SRGAP3: variants seen among roughly 807,000 people sequenced by gnomAD.
The protein encoded by SRGAP3 is SLIT-ROBO Rho GTPase activating protein 3.
A neutral mutation model predicts 121.1 loss-of-function variants in SRGAP3; 39 were observed. That is an observed-to-expected ratio of 0.32 (90% CI 0.25 to 0.42). The LOEUF (loss-of-function observed/expected upper bound fraction) is 0.42. Among genes scored for constraint, SRGAP3 ranks in the 10% least tolerant of loss-of-function variants. The pLI, the probability that SRGAP3 is intolerant of heterozygous loss-of-function variation, is 1.00. For missense variants in SRGAP3, 1,213 were observed against 1,470.6 expected, an observed-to-expected ratio of 0.82 and a Z score of 2.86; for synonymous variants, 601 against 570.0, an observed-to-expected ratio of 1.05 and a Z score of -0.77.
At chr3:9,345,785 C>CAAAAAAAAAAAAAAAAA (rs34225108) in intron 1 of SRGAP3, among the ~76,000 whole-genome samples, 3 of 65,234 alleles carry the variant, frequency 4.6e-5, no homozygotes, top group East Asian at 4.1e-4. Context: ...GACTCCAACT[C>CAAAAAAAAAAAAAAAAA]AAAAAAAAAA....
At chr3:9,084,721 G>A (rs536285138) in intron 3 of SRGAP3, among the ~76,000 whole-genome samples, 17 of 152,264 alleles carry the variant, frequency 1.1e-4, no homozygotes, top group African/African-American at 3.9e-4. Flanking sequence ...TTTGTTAAGA[G>A]GCACCTCTTA....
intron 1 of SRGAP3, among the ~76,000 whole-genome samples, chr3:9,186,147 C>T (rs772002743): frequency 6.6e-6 from 1 of 152,184 alleles, no homozygotes; most frequent in Non-Finnish European, 1.5e-5. Context: ...GCTTAAAGAG[C>T]ACCACATTGT....
At chr3:9,067,022 T>A (rs1020866310) in intron 4 of SRGAP3, among the ~76,000 whole-genome samples, 1 of 152,204 alleles carries the variant, frequency 6.6e-6, no homozygotes, top group Admixed American at 6.5e-5. Context: ...AAAAATGGGA[T>A]AAAAATTTAC....
chr3:9,207,679 G>T (rs1378383152), intron 1 of SRGAP3, among the ~76,000 whole-genome samples: 1 of 152,180 alleles, frequency 6.6e-6, no homozygotes, highest in East Asian at 1.9e-4. Context: ...TGAAGCTGAG[G>T]TTGGCCCTTT....
chr3:9,004,017 T>C (rs934419209), intron 18 of SRGAP3, among the ~76,000 whole-genome samples: 3 of 152,190 alleles, frequency 2.0e-5, no homozygotes, highest in African/African-American at 7.2e-5. Context: ...AAAAACTATT[T>C]GACTGCATGA....
chr3:8,996,580 G>A (rs1942415711), intron 18 of SRGAP3, among the ~76,000 whole-genome samples: 1 of 152,228 alleles, frequency 6.6e-6, no homozygotes, highest in Non-Finnish European at 1.5e-5. Context: ...AGGAGGTGGG[G>A]AAATGACAGC....
chr3:9,064,023 C>G (rs1173099557), intron 5 of SRGAP3, among the ~76,000 whole-genome samples: 1 of 152,164 alleles, frequency 6.6e-6, no homozygotes, highest in Non-Finnish European at 1.5e-5. Context: ...CCTTGGCCAT[C>G]AAATTGGCCT....
intron 1 of SRGAP3, among the ~76,000 whole-genome samples, chr3:9,227,266 C>A (rs1024326036): frequency 6.6e-6 from 1 of 152,210 alleles, no homozygotes; most frequent in African/African-American, 2.4e-5. Context: ...AAAGGCCAAA[C>A]AAAACATGCT....
intron 3 of SRGAP3, among the ~76,000 whole-genome samples, chr3:9,103,205 A>G (rs1575078032): frequency 6.6e-6 from 1 of 152,326 alleles, no homozygotes; most frequent in Non-Finnish European, 1.5e-5. Flanking sequence ...AACACAGACC[A>G]TGGAGAGATG....
At chr3:9,090,920 A>T (rs1947727464) in intron 3 of SRGAP3, among the ~76,000 whole-genome samples, 9 of 152,166 alleles carry the variant, frequency 5.9e-5, no homozygotes, top group Admixed American at 5.9e-4. Flanking sequence ...TACAGGCATG[A>T]GCCACCATGC....
At chr3:9,164,126 T>C (rs952673800) in intron 1 of SRGAP3, among the ~76,000 whole-genome samples, 2 of 149,966 alleles carry the variant, frequency 1.3e-5, no homozygotes, top group Admixed American at 6.7e-5. Context: ...GCCTCCCAAG[T>C]AGCTGGGATT....
At chr3:9,346,366 C>G (rs555655317) in intron 1 of SRGAP3, among the ~76,000 whole-genome samples, 17 of 152,186 alleles carry the variant, frequency 1.1e-4, no homozygotes, top group African/African-American at 4.1e-4. Flanking sequence ...TCTCAGCCTC[C>G]CAAGTAGCTA....
Position 9,159,491 on chromosome 3 carries a change from G to A in SRGAP3, c.68-34574C>T, listed in dbSNP as rs376886520. 2.0e-5 allele frequency among the ~76,000 whole-genome samples: 3 copies of A among 152,220 alleles called. No individual in the cohort carries two copies. The East Asian group carries it at 5.8e-4, about 29-fold the overall frequency. ...ATCAGCAAGCGTGACAGGGCCCCCT[G>A]CCGCCACATCAGTGAGAGAGATAAG... On this transcript the variant is annotated intron_variant, in intron 1 of 21. Transcript: ENST00000383836.
intron 3 of SRGAP3, among the ~76,000 whole-genome samples, chr3:9,316,095 C>T (rs1315197911): frequency 6.6e-6 from 1 of 152,062 alleles, no homozygotes; most frequent in Non-Finnish European, 1.5e-5. Context: ...GTCACCCAGG[C>T]TGGAGTGCAG....
At chr3:9,362,162 CTTTTTTTT>C (rs36036357) in intron 1 of SRGAP3, among the ~76,000 whole-genome samples, 1 of 90,930 alleles carries the variant, frequency 1.1e-5, no homozygotes, top group Non-Finnish European at 2.1e-5. Context: ...AGGTTCAACT[CTTTTTTTT>C]TTTTTTTTTT....
At chr3:9,062,310 T>C (rs1252184661) in intron 5 of SRGAP3, among the ~76,000 whole-genome samples, 6 of 152,136 alleles carry the variant, frequency 3.9e-5, no homozygotes, top group Non-Finnish European at 7.4e-5. Flanking sequence ...AAAATACAAC[T>C]CTGAACTAAA....
intron 1 of SRGAP3, among the ~76,000 whole-genome samples, chr3:9,247,599 G>A (rs768436338): frequency 6.6e-6 from 1 of 152,182 alleles, no homozygotes; most frequent in African/African-American, 2.4e-5. Flanking sequence ...CAGCTCCCTG[G>A]GTCATTGGGT....
rs575213362 is a variant in SRGAP3, at chr3:9,098,396, C to T, written c.423+6284G>A. ...AAATGATCCTCCTGCCTCAACCTCC[C>T]GAGTAGCTGGGACCACAGGCAAATG... On this transcript the variant is annotated intron_variant, in intron 3 of 21. Transcript: ENST00000383836. 5.9e-5 allele frequency among the ~76,000 whole-genome samples: 9 copies of T among 152,316 alleles called. No individual in the cohort carries two copies. In the East Asian group the frequency reaches 7.7e-4, roughly 13 times the overall value.
intron 1 of SRGAP3, among the ~76,000 whole-genome samples, chr3:9,358,913 G>C (rs2030657847): frequency 1.3e-5 from 2 of 152,164 alleles, no homozygotes; most frequent in African/African-American, 4.8e-5. Flanking sequence ...CTACTCACAA[G>C]AAGGCAGATT....
Sources: gnomAD v4.1 joint callset for allele counts (sites outside exome capture counted in the v4.1 genomes callset) on GRCh38, gnomAD v4.1.1 for gene constraint, MANE v1.5 for transcripts, NCBI Gene and HGNC (gene_info 2026-07-23, HGNC 2026-07-21) for gene names.